The following GBE1 variants were observed in gnomAD, a reference collection of about 807,000 sequenced individuals.
GBE1 encodes 1,4-alpha-glucan-branching enzyme.
GBE1 carries 70 observed loss-of-function variants against 88.8 expected under a neutral mutation model. That is an observed-to-expected ratio of 0.79 (90% CI 0.65 to 0.96). GBE1 has a LOEUF of 0.96. Ranked by LOEUF, GBE1 falls within the 40% of genes least tolerant of loss-of-function variation. GBE1 has a pLI of 0.00. For missense variants in GBE1, 872 were observed against 871.0 expected (o/e 1.00, Z -0.01); for synonymous variants, 284 against 300.1 (o/e 0.95, Z 0.56).
intron 15 of GBE1, among the ~76,000 whole-genome samples, chr3:81,492,734 T>TTTTC (rs1310126304): frequency 1.3e-4 from 19 of 146,560 alleles, no homozygotes; most frequent in Non-Finnish European, 2.4e-4. Flanking sequence ...CCTTCCTTCC[T>TTTTC]TTTCTTTCTT....
At chr3:81,556,239 A>C (rs1703347057) in intron 12 of GBE1, among the ~76,000 whole-genome samples, 1 of 152,132 alleles carries the variant, frequency 6.6e-6, no homozygotes, top group South Asian at 2.1e-4. Context: ...TGTTTACTTA[A>C]TGTCAAATAA....
chr3:81,550,868 C>T (rs1703262609), intron 12 of GBE1, among the ~76,000 whole-genome samples: 1 of 152,170 alleles, frequency 6.6e-6, no homozygotes, highest in African/African-American at 2.4e-5. Context: ...ACCAGCAGCC[C>T]TTGGGGCTGC....
At chr3:81,520,301 C>T (rs1392056242) in intron 14 of GBE1, among the ~76,000 whole-genome samples, 1 of 151,534 alleles carries the variant, frequency 6.6e-6, no homozygotes, top group Non-Finnish European at 1.5e-5. Flanking sequence ...GTCTCCGCAT[C>T]ACATTTTGGT....
chr3:81,592,474 C>T (rs775923141), intron 8 of GBE1, among the ~76,000 whole-genome samples: 1 of 152,016 alleles, frequency 6.6e-6, no homozygotes, highest in Non-Finnish European at 1.5e-5. Flanking sequence ...CCCTTTATTA[C>T]TGAGTTTATA....
intron 12 of GBE1, among the ~76,000 whole-genome samples, chr3:81,567,979 AC>A (rs1703518479): frequency 6.6e-6 from 1 of 152,152 alleles, no homozygotes; most frequent in Non-Finnish European, 1.5e-5. Context: ...TTTCTTGAGT[AC>A]TAAGTTACAG....
intron 1 of GBE1, among the ~76,000 whole-genome samples, chr3:81,749,907 G>C (rs542706916): frequency 3.9e-5 from 6 of 152,048 alleles, no homozygotes; most frequent in Non-Finnish European, 8.8e-5. Flanking sequence ...CAACCCTTAG[G>C]TTTGATACTA....
rs1426371933 is a variant in GBE1 at position 81,733,986 on chromosome 3, C to A, written c.143+27389G>T. 6.6e-6 allele frequency among the ~76,000 whole-genome samples: 1 copy of A among 152,066 alleles called. No homozygotes were observed. Among genetic ancestry groups the A allele is most frequent in the Non-Finnish European group, 1.5e-5 (1 of 67,980 alleles). On this transcript the variant is annotated intron_variant, in intron 1 of 15. Transcript: ENST00000429644. This position sits in a 1 kb window ranked among gnomAD's most constrained non-coding sequence, Gnocchi z 4.0. ...CTATATAAGTACTTATTTTCTGAAG[C>A]CATCTATTATTTTGCTAAATACAAA...
At chr3:81,574,181 T>C (rs1703613199) in intron 12 of GBE1, among the ~76,000 whole-genome samples, 1 of 152,178 alleles carries the variant, frequency 6.6e-6, no homozygotes, top group Non-Finnish European at 1.5e-5. Flanking sequence ...GAAATAATCT[T>C]TTATTTTAAA....
chr3:81,746,180 T>C (rs1325645211), intron 1 of GBE1, among the ~76,000 whole-genome samples: 1 of 152,172 alleles, frequency 6.6e-6, no homozygotes, highest in Admixed American at 6.5e-5. Context: ...TCAATGTATA[T>C]AAATAAAGGC....
At chr3:81,755,185 CAT>C (rs1388145317) in intron 1 of GBE1, among the ~76,000 whole-genome samples, 1 of 152,022 alleles carries the variant, frequency 6.6e-6, no homozygotes, top group Non-Finnish European at 1.5e-5. Flanking sequence ...CAAAAGAAAA[CAT>C]ATAAATGGCC....
chr3:81,665,970 C>T (rs866942831), intron 3 of GBE1, among the ~76,000 whole-genome samples: 20 of 104,076 alleles, frequency 1.9e-4, no homozygotes, highest in African/African-American at 5.3e-4. Context: ...TATATTAATA[C>T]ATTTTATTTC....
chr3:81,491,658 C>G (rs1217543877), intron 15 of GBE1, among the ~76,000 whole-genome samples: 1 of 152,022 alleles, frequency 6.6e-6, no homozygotes, highest in African/African-American at 2.4e-5. Context: ...GTCTTCACTT[C>G]TGACTTTGCT....
intron 1 of GBE1, among the ~76,000 whole-genome samples, chr3:81,708,956 G>A (rs968949672): frequency 1.3e-5 from 2 of 152,120 alleles, no homozygotes; most frequent in Non-Finnish European, 2.9e-5. Flanking sequence ...CCAGGCAGGT[G>A]TAACAATTAT....
chr3:81,508,660 T>C (rs1702685948), intron 14 of GBE1, among the ~76,000 whole-genome samples: 1 of 152,022 alleles, frequency 6.6e-6, no homozygotes, highest in Non-Finnish European at 1.5e-5. Context: ...GCAATATAGC[T>C]AAATAAAAAC....
At chr3:81,674,687 A>T (rs1469804914) in intron 2 of GBE1, among the ~76,000 whole-genome samples, 3 of 151,826 alleles carry the variant, frequency 2.0e-5, no homozygotes, top group Non-Finnish European at 4.4e-5. Context: ...TAATAATATT[A>T]ATAATAATAA....
At chr3:81,724,227 T>C (rs992899130) in intron 1 of GBE1, among the ~76,000 whole-genome samples, 4 of 152,202 alleles carry the variant, frequency 2.6e-5, no homozygotes, top group African/African-American at 4.8e-5. Context: ...GAAATATATA[T>C]GTTTATCTTT....
At chr3:81,558,308 T>C (rs1166590995) in intron 12 of GBE1, among the ~76,000 whole-genome samples, 2 of 152,122 alleles carry the variant, frequency 1.3e-5, no homozygotes, top group East Asian at 3.9e-4. Context: ...CTGCTGATAT[T>C]GCATATTTTA....
chr3:81,616,773 GA>G, intron 7 of GBE1, among the ~76,000 whole-genome samples: 1 of 152,164 alleles, frequency 6.6e-6, no homozygotes, highest in Non-Finnish European at 1.5e-5. Context: ...AACAGCTTTT[GA>G]TTTGGAGAAA....
In GBE1 at chr3:81,711,517, G is replaced by A. The variant is rs543445728; in HGVS notation, c.144-5904C>T. Among the ~76,000 whole-genome samples, 5 of 152,270 alleles carry A rather than the reference G, an allele frequency of 3.3e-5. No homozygotes were observed. The South Asian group carries it at 1.0e-3, about 32-fold the overall frequency. ...AAGATCAGATGGTTGTAGATGTGTA[G>A]TATTATTTCTGAGGGCTCTGTTCTG... On this transcript the variant is annotated intron_variant, in intron 1 of 15. Coordinates refer to ENST00000429644, the MANE Select transcript of GBE1 (RefSeq NM_000158.4).
Sources: gnomAD v4.1 joint callset for allele counts (sites outside exome capture counted in the v4.1 genomes callset) on GRCh38, gnomAD v4.1.1 for gene constraint, Gnocchi (gnomAD v3.1) non-coding constraint, MANE v1.5 for transcripts, NCBI Gene and HGNC (gene_info 2026-07-23, HGNC 2026-07-21) for gene names.